The following DMRT1 variants were observed in gnomAD, a reference collection of about 807,000 sequenced individuals.
The protein encoded by DMRT1 is doublesex and mab-3 related transcription factor 1.
DMRT1 carries 7 observed loss-of-function variants against 32.3 expected under a neutral mutation model. The observed-to-expected ratio is 0.22, with a 90% CI of 0.12 to 0.41. The LOEUF is 0.41. Ranked by LOEUF, DMRT1 falls within the 10% of genes least tolerant of loss-of-function variation. The probability of loss-of-function intolerance (pLI) is 1.00; values close to 1 mark genes in which losing one functional copy is unlikely to be tolerated. For synonymous variants in DMRT1, 278 were observed against 206.1 expected, an observed-to-expected ratio of 1.35 and a Z score of -2.99; for missense variants, 625 against 500.5, an observed-to-expected ratio of 1.25 and a Z score of -2.37.
intron 4 of DMRT1, among the ~76,000 whole-genome samples, chr9:918,162 A>T (rs1349741467): frequency 1.3e-5 from 2 of 152,228 alleles, no homozygotes; most frequent in African/African-American, 4.8e-5. Flanking sequence ...TGAATCTGGT[A>T]TTATTTTTAA....
intron 2 of DMRT1, among the ~76,000 whole-genome samples, chr9:890,887 A>AT (rs945663331): frequency 8.0e-5 from 12 of 150,410 alleles, no homozygotes; most frequent in East Asian, 2.0e-4. Context: ...TGTCCGGCTA[A>AT]TTTTTTTTTG....
chr9:871,805 T>C (rs1460379233), intron 2 of DMRT1, among the ~76,000 whole-genome samples: 8 of 151,084 alleles, frequency 5.3e-5, no homozygotes, highest in Admixed American at 5.3e-4. Flanking sequence ...AAGCTGCATT[T>C]CTTTTGGAAG....
chr9:940,398 A>T (rs1819024053), intron 4 of DMRT1, among the ~76,000 whole-genome samples: 1 of 152,048 alleles, frequency 6.6e-6, no homozygotes, highest in African/African-American at 2.4e-5. Flanking sequence ...CCCAGAAATA[A>T]CTCCCACATG....
intron 2 of DMRT1, among the ~76,000 whole-genome samples, chr9:882,760 CTTTTT>C (rs1010078425): frequency 1.7e-5 from 2 of 118,338 alleles, no homozygotes. Flanking sequence ...TCCCCTGAAT[CTTTTT>C]TTTTTTTTTT....
At chr9:950,106 T>G (rs2129950562) in intron 4 of DMRT1, among the ~76,000 whole-genome samples, 1 of 152,138 alleles carries the variant, frequency 6.6e-6, no homozygotes, top group African/African-American at 2.4e-5. Context: ...CATACAGTAG[T>G]TTATTGAAGT....
At chr9:858,296 T>C (rs1232441912) in intron 2 of DMRT1, among the ~76,000 whole-genome samples, 6 of 152,114 alleles carry the variant, frequency 3.9e-5, no homozygotes, top group Admixed American at 3.9e-4. Context: ...GTATTGTCCT[T>C]GTATTGTGCT....
intron 3 of DMRT1, 36 bp downstream of exon 3, chr9:894,231 T>C (rs1817265137): frequency 2.5e-6 from 4 of 1,608,806 alleles, no homozygotes; most frequent in East Asian, 2.2e-5. Context: ...GAACTGGTTG[T>C]GTGAAAGCCA....
intron 4 of DMRT1, among the ~76,000 whole-genome samples, chr9:960,057 A>C (rs1422345543): frequency 6.6e-6 from 1 of 152,112 alleles, no homozygotes; most frequent in Non-Finnish European, 1.5e-5. Context: ...TACCTTGTGG[A>C]CTTTGTGTCT....
chr9:872,053 G>C (rs1564212664), intron 2 of DMRT1, among the ~76,000 whole-genome samples: 1 of 151,088 alleles, frequency 6.6e-6, no homozygotes, highest in South Asian at 2.1e-4. Flanking sequence ...TAATTTACAT[G>C]CCATAAAACT....
At chr9:944,882 C>T (rs1284128465) in intron 4 of DMRT1, among the ~76,000 whole-genome samples, 8 of 151,934 alleles carry the variant, frequency 5.3e-5, no homozygotes, top group Non-Finnish European at 1.2e-4. Context: ...CTTTGGAAAG[C>T]ACATGACCAC....
At chr9:917,429 A>G (rs1041136780) in intron 4 of DMRT1, among the ~76,000 whole-genome samples, 4 of 152,260 alleles carry the variant, frequency 2.6e-5, no homozygotes, top group Admixed American at 6.5e-5. Context: ...TGACTGTTTA[A>G]TGAATCAAAG....
At chr9:955,259 G>T (rs1819563030) in intron 4 of DMRT1, among the ~76,000 whole-genome samples, 1 of 152,172 alleles carries the variant, frequency 6.6e-6, no homozygotes, top group Non-Finnish European at 1.5e-5. Flanking sequence ...TTGGTGACCA[G>T]CAGGTTACAT....
intron 4 of DMRT1, among the ~76,000 whole-genome samples, chr9:955,571 T>C (rs1057403511): frequency 6.6e-6 from 1 of 152,132 alleles, no homozygotes; most frequent in African/African-American, 2.4e-5. Flanking sequence ...CTAGGCATGA[T>C]AGTGCATGCC....
At chr9:862,337 C>CA (rs1815750456) in intron 2 of DMRT1, among the ~76,000 whole-genome samples, 2 of 152,096 alleles carry the variant, frequency 1.3e-5, no homozygotes, top group Non-Finnish European at 1.5e-5. Context: ...CCGTCTCCAC[C>CA]GAAAAATAGG....
At chr9:950,348 G>T (rs556302577) in intron 4 of DMRT1, among the ~76,000 whole-genome samples, 1 of 152,092 alleles carries the variant, frequency 6.6e-6, no homozygotes, top group South Asian at 2.1e-4. Context: ...AGGAGGCAGC[G>T]TGAGGAACAC....
In DMRT1 at chr9:848,582, C is replaced by T. The variant is rs371599577; in HGVS notation, c.538+1439C>T. 8.8e-3 allele frequency among the ~76,000 whole-genome samples: 1,089 copies of T among 123,830 alleles called. 9 individuals carry two copies. Among genetic ancestry groups the T allele is most frequent in the Middle Eastern group, 0.077 (11 of 142 alleles). 81.2% of individuals were successfully genotyped at this position (123,830 alleles called of 152,430 possible). A position where few individuals can be genotyped will look rare whatever the true frequency, so the allele number is the denominator to read the frequency against. On this transcript the variant is annotated intron_variant, in intron 2 of 4. Coordinates refer to ENST00000382276, the MANE Select transcript of DMRT1 (RefSeq NM_021951.3). ...TTTTTTTTTTTTTTTGAGATGGAGTCTCACTCTGTTGCCCAGGCTGGAGTG... is the reference window on the plus strand; with the variant it reads ...TTTTTTTTTTTTTTTGAGATGGAGTTTCACTCTGTTGCCCAGGCTGGAGTG...
chr9:886,007 T>C (rs937531904), intron 2 of DMRT1, among the ~76,000 whole-genome samples: 11 of 152,182 alleles, frequency 7.2e-5, no homozygotes, highest in Non-Finnish European at 1.5e-4. Context: ...TTTTGGCCAA[T>C]TATCATTCTA....
intron 2 of DMRT1, among the ~76,000 whole-genome samples, chr9:890,350 G>C (rs949650601): frequency 4.6e-5 from 7 of 152,152 alleles, no homozygotes; most frequent in Non-Finnish European, 1.5e-5. Context: ...AATGGCATTG[G>C]AATGTCTCAT....
chr9:880,597 A>T (rs540668588), intron 2 of DMRT1, among the ~76,000 whole-genome samples: 1 of 152,040 alleles, frequency 6.6e-6, no homozygotes, highest in South Asian at 2.1e-4. Flanking sequence ...ATGGTGGCGC[A>T]TGCCTGTAAT....
Sources: allele counts gnomAD v4.1 joint callset (sites outside exome capture counted in the v4.1 genomes callset), GRCh38; gene constraint gnomAD v4.1.1; transcripts MANE v1.5; gene names NCBI Gene and HGNC (gene_info 2026-07-23, HGNC 2026-07-21).